The following CCDC169 variants were observed in gnomAD, a reference collection of about 807,000 sequenced individuals.
CCDC169 encodes coiled-coil domain containing 169, also known as coiled-coil domain-containing protein 169.
CCDC169 carries 30 observed loss-of-function variants against 36.0 expected under a neutral mutation model. That is an observed-to-expected ratio of 0.83 (90% CI 0.62 to 1.13). The LOEUF (loss-of-function observed/expected upper bound fraction) is 1.13, where lower values mean the gene tolerates loss of function less well. Among genes scored for constraint, CCDC169 ranks in the 50% most tolerant of loss-of-function variants. CCDC169 has a pLI of 0.00. For missense variants in CCDC169, 245 were observed against 245.9 expected (o/e 1.00, Z 0.03); for synonymous variants, 85 against 81.5 (o/e 1.04, Z -0.23).
chr13:36,262,665 G>A (rs9531684), intron 4 of CCDC169, among the ~76,000 whole-genome samples: 61,610 of 152,014 alleles, frequency 0.41, 13,267 homozygotes, highest in Non-Finnish European at 0.48. Flanking sequence ...GGATAGCCCA[G>A]CATAGCATCT....
chr13:36,239,618 T>A (rs954598171), intron 7 of CCDC169, among the ~76,000 whole-genome samples: 3 of 152,158 alleles, frequency 2.0e-5, no homozygotes, highest in Non-Finnish European at 4.4e-5. Context: ...AATTAGGGAT[T>A]TTTAAAAATA....
At chr13:36,227,153 G>A (rs1869920740), downstream of CCDC169, 4 of 1,226,320 alleles carry the variant, frequency 3.3e-6, no homozygotes, top group South Asian at 3.6e-5. Flanking sequence ...AGAAATACAT[G>A]TGAGATCACA....
At chr13:36,277,780 A>G (rs1043607162) in intron 4 of CCDC169, among the ~76,000 whole-genome samples, 1 of 151,986 alleles carries the variant, frequency 6.6e-6, no homozygotes, top group Non-Finnish European at 1.5e-5. Flanking sequence ...CCCCATCTCC[A>G]CTAAAAATAC....
At chr13:36,248,809 G>A in intron 6 of CCDC169, 127 bp from the exon 7 acceptor site, 3 of 785,110 alleles carry the variant, frequency 3.8e-6, no homozygotes, top group South Asian at 1.9e-5. Context: ...AAGAGAAGCT[G>A]AGAAAAATGG....
intron 4 of CCDC169, among the ~76,000 whole-genome samples, chr13:36,260,132 G>T (rs1874438514): frequency 6.6e-6 from 1 of 152,218 alleles, no homozygotes; most frequent in Non-Finnish European, 1.5e-5. Context: ...TGAGAAGATT[G>T]CAGCTTATAG....
At chr13:36,231,418 C>T (rs1404585980) in intron 7 of CCDC169, 126 bp from the exon 8 acceptor site, 2 of 861,080 alleles carry the variant, frequency 2.3e-6, no homozygotes, top group Middle Eastern at 2.3e-4. Context: ...ACACGGAAAC[C>T]TTCCTGTGAA....
chr13:36,297,591 C>T lies in CCDC169; in HGVS notation c.83+46G>A, dbSNP rs560184202. On this transcript the variant is annotated intron_variant, in intron 1 of 7. Transcript: ENST00000239859. ...CCCTGAGACTCTGCAGGTGAAGGCT[C>T]GGGGGGTGTGGACGGGACCCCACAC... 9.2e-6 allele frequency: 14 copies of T among 1,529,554 alleles called. No homozygotes were observed. The South Asian group carries it at 1.6e-4, about 17-fold the overall frequency. 94.7% of individuals were successfully genotyped at this position (1,529,554 alleles called of 1,614,324 possible).
At chr13:36,257,505 A>C (rs1038620891) in intron 4 of CCDC169, among the ~76,000 whole-genome samples, 1 of 152,142 alleles carries the variant, frequency 6.6e-6, no homozygotes, top group African/African-American at 2.4e-5. Flanking sequence ...AGAGATCGAG[A>C]CATCCTGGCC....
chr13:36,282,381 A>G (rs1594079014), intron 4 of CCDC169: 1 of 985,378 alleles, frequency 1.0e-6, no homozygotes, highest in Non-Finnish European at 1.2e-6. Flanking sequence ...GGGTCTCTTG[A>G]CTGGATATAG....
chr13:36,248,695 A>C lies in CCDC169; in HGVS notation c.469-13T>G. The C allele has an allele frequency of 6.5e-7, 1 of 1,548,450 alleles. No homozygotes were observed. The highest frequency in any genetic ancestry group is 2.4e-5 in the East Asian group (1 of 40,858). On this transcript the variant is annotated splice_polypyrimidine_tract_variant and intron_variant, in intron 6 of 7. Coordinates refer to ENST00000239859, the MANE Select transcript of CCDC169 (RefSeq NM_001144981.3). The stretch of plus-strand genomic sequence containing the variant: ...GTAAACCAGAACCCTGAAATACAAA[A>C]ATTTGAGTGTTTATCCCCTTGGTTC...
At position 36,253,795 on chromosome 13, in the gene CCDC169, A is replaced by G. The variant is rs762444389; in HGVS notation, c.468+8T>C. On this transcript the variant is annotated splice_region_variant and intron_variant, in intron 6 of 7. Coordinates refer to ENST00000239859, the MANE Select transcript of CCDC169 (RefSeq NM_001144981.3). ...AACACTTAGAATTTGGAAATAAAAA[A>G]GAGTTACCTGAGACATTTCAGCTAG... is the stretch of plus-strand genomic sequence containing the variant. 1 of 1,544,136 alleles carries G rather than the reference A, an allele frequency of 6.5e-7. No individual in the cohort carries two copies. Among genetic ancestry groups the G allele is most frequent in the South Asian group, 1.2e-5 (1 of 81,514 alleles).
intron 7 of CCDC169, among the ~76,000 whole-genome samples, chr13:36,248,032 G>C (rs1399134828): frequency 6.6e-6 from 1 of 152,090 alleles, no homozygotes; most frequent in East Asian, 1.9e-4. Context: ...CAACATTGAG[G>C]CAAGACCCTC....
At chr13:36,227,266 G>A, downstream of CCDC169, 2 of 1,551,412 alleles carry the variant, frequency 1.3e-6, no homozygotes, top group South Asian at 2.4e-5. Context: ...GCGGGCCAGA[G>A]TGCTTTTTGT....
chr13:36,252,681 T>C (rs546760557), intron 6 of CCDC169, among the ~76,000 whole-genome samples: 111 of 152,192 alleles, frequency 7.3e-4, no homozygotes, highest in South Asian at 1.4e-3. Context: ...AAGCATTTCA[T>C]TCATTCAATG....
At chr13:36,259,890 C>G (rs946473510) in intron 4 of CCDC169, among the ~76,000 whole-genome samples, 2 of 152,222 alleles carry the variant, frequency 1.3e-5, no homozygotes, top group African/African-American at 4.8e-5. Context: ...CTCTCTGGCC[C>G]TGCCAGGGAC....
intron 4 of CCDC169, among the ~76,000 whole-genome samples, chr13:36,255,247 G>C (rs943447155): frequency 6.6e-6 from 1 of 152,148 alleles, no homozygotes; most frequent in Non-Finnish European, 1.5e-5. Context: ...CAGGCAGTAG[G>C]TGTCCTCCTC....
At chr13:36,265,460 G>A (rs1242064062) in intron 4 of CCDC169, among the ~76,000 whole-genome samples, 5 of 152,176 alleles carry the variant, frequency 3.3e-5, no homozygotes, top group Non-Finnish European at 5.9e-5. Context: ...ATATCACATC[G>A]GGCAAAGTAG....
Position 36,295,806 on chromosome 13 carries a change from C to T in CCDC169, c.135G>A (p.Leu45=). Residue 45 remains leucine, a synonymous_variant, in exon 2 of 8, where the codon CTG becomes CTA. Coordinates refer to ENST00000239859, the MANE Select transcript of CCDC169 (RefSeq NM_001144981.3). The part of the protein sequence containing the change: ...IFELRHKITE[L]EAKLNTDNEG... ...CATTGTCAGTATTGAGTTTGGCTTC[C>T]AGTTCCGTAATCTTGTGTCTTAGTT... 2 of 1,541,950 alleles carry T rather than the reference C, an allele frequency of 1.3e-6. No individual in the cohort carries two copies. Among genetic ancestry groups the T allele is most frequent in the Non-Finnish European group, 1.8e-6 (2 of 1,139,724 alleles).
chr13:36,231,406 T>C lies in CCDC169; in HGVS notation c.546-114A>G, dbSNP rs372320109. ...GCACCTTGTTCCCCCCAACAGACCT[T>C]CACACGGAAACCTTCCTGTGAATAG... is the stretch of plus-strand genomic sequence containing the variant. On this transcript the variant is annotated intron_variant, in intron 7 of 7. Coordinates refer to ENST00000239859, the MANE Select transcript of CCDC169 (RefSeq NM_001144981.3). 4.7e-5 allele frequency: 48 copies of C among 1,020,770 alleles called. No individual in the cohort carries two copies. In the East Asian group the frequency reaches 1.2e-3, roughly 26 times the overall value. 63.2% of individuals were successfully genotyped at this position (1,020,770 alleles called of 1,614,324 possible).
Sources: allele counts gnomAD v4.1 joint callset (sites outside exome capture counted in the v4.1 genomes callset), GRCh38; gene constraint gnomAD v4.1.1; transcripts MANE v1.5; gene names NCBI Gene and HGNC (gene_info 2026-07-23, HGNC 2026-07-21).